ZNF738: variants seen among roughly 807,000 people sequenced by gnomAD.
The protein encoded by ZNF738 is protein ZNF738.
Under a neutral mutation model 9.2 loss-of-function variants are expected in ZNF738, and 10 were observed. That is an observed-to-expected ratio of 1.09 (90% confidence interval 0.67 to 1.85). The LOEUF is 1.85. ZNF738 is among the 40% of genes most tolerant of loss of function. ZNF738 has a pLI of 0.00. For synonymous variants in ZNF738, 113 were observed against 94.5 expected, an observed-to-expected ratio of 1.20 and a Z score of -1.14; for missense variants, 346 against 283.6, an observed-to-expected ratio of 1.22 and a Z score of -1.58.
In ZNF738 at chr19:21,375,877, G is replaced by A. The variant is rs755105906; in HGVS notation, c.232G>A (p.Val78Ile). ...FRNLVFLGID[V>I]SKPDLITCLE... is the part of the protein sequence containing the mutation. ...TATTTTTAATAAATCAGGTATTGAT[G>A]TCTCTAAGCCAGATCTGATCACCTG... Residue 78 changes from valine to isoleucine, a missense_variant, in exon 4 of 5, where the codon GTC (valine) becomes ATC (isoleucine). Val to Ile is a conservative substitution (Grantham distance 29). Coordinates refer to ENST00000683779, the MANE Select transcript of ZNF738 (RefSeq NM_001355237.2). 2.5e-6 allele frequency: 2 copies of A among 790,042 alleles called. No homozygotes were observed. The highest frequency in any genetic ancestry group is 1.4e-5 in the South Asian group (1 of 73,536). The allele number at this position is 790,042 out of a possible 1,614,324, so 48.9% of individuals were successfully genotyped here.
rs1197099387 is a variant in ZNF738, at chr19:21,375,940, C to T, written c.295C>T (p.His99Tyr). The change falls in exon 4 of 5, where the codon CAC becomes TAC. Residue 99 changes from histidine to tyrosine, a missense_variant. Coordinates refer to ENST00000683779, the MANE Select transcript of ZNF738 (RefSeq NM_001355237.2). ...AAAAGATCCCTGGAATATGAAGAGACACAGTATGGTAGCCACACCCCCAGG... is the reference window on the plus strand; with the variant it reads ...AAAAGATCCCTGGAATATGAAGAGATACAGTATGGTAGCCACACCCCCAGG... Reference protein sequence around the residue: ...QGKDPWNMKRHSMVATPPVTY... With the variant: ...QGKDPWNMKRYSMVATPPVTY... 5.1e-6 allele frequency: 4 copies of T among 789,718 alleles called. No homozygotes were observed. The highest frequency in any genetic ancestry group is 7.0e-6 in the Non-Finnish European group (3 of 429,818). The allele number at this position is 789,718 out of a possible 1,614,324, so 48.9% of individuals were successfully genotyped here.
In ZNF738 at chr19:21,366,622, T is replaced by G. The variant is rs143555738; in HGVS notation, c.96+4764T>G. Among the ~76,000 whole-genome samples the G allele has an allele frequency of 2.2e-4, 33 of 152,314 alleles. No homozygotes were observed. The East Asian group carries it at 6.4e-3, about 29-fold the overall frequency. ...GGCAAGTCATAAAGTGAAAGCAAATTTATTGAGAAAGTAAAGAAATAAAAG... is the reference window on the plus strand; with the variant it reads ...GGCAAGTCATAAAGTGAAAGCAAATGTATTGAGAAAGTAAAGAAATAAAAG... On this transcript the variant is annotated intron_variant, in intron 2 of 4. Coordinates refer to ENST00000683779, the MANE Select transcript of ZNF738 (RefSeq NM_001355237.2).
chr19:21,368,290 T>C (rs1363527828), intron 2 of ZNF738, among the ~76,000 whole-genome samples: 1 of 151,978 alleles, frequency 6.6e-6, no homozygotes, highest in African/African-American at 2.4e-5. Flanking sequence ...TCCTTCTTTA[T>C]GTCCATGTGT....
intron 2 of ZNF738, among the ~76,000 whole-genome samples, chr19:21,368,272 A>G (rs546448831): frequency 0.013 from 1,999 of 151,902 alleles, 53 homozygotes; most frequent in African/African-American, 0.043. Flanking sequence ...CTAGGCCTCC[A>G]TGACTGTTCC....
At chr19:21,364,742 CTTTTTTT>C (rs766954668) in intron 2 of ZNF738, among the ~76,000 whole-genome samples, 7 of 122,802 alleles carry the variant, frequency 5.7e-5, no homozygotes, top group African/African-American at 1.2e-4. Context: ...ATGGTTCTTT[CTTTTTTT>C]TTTTTTTTTT....
intron 2 of ZNF738, among the ~76,000 whole-genome samples, chr19:21,365,417 T>G (rs1973762763): frequency 1.3e-5 from 2 of 152,256 alleles, no homozygotes; most frequent in African/African-American, 2.4e-5. Context: ...TCAATATGCC[T>G]GACATTTCCT....
At chr19:21,378,955 T>C (rs940412334) in intron 4 of ZNF738, 1 of 152,412 alleles carries the variant, frequency 6.6e-6, no homozygotes, top group Non-Finnish European at 1.5e-5. Context: ...ACTTTTAAAA[T>C]TGTGCTTACA....
chr19:21,365,511 T>C (rs543125313), intron 2 of ZNF738, among the ~76,000 whole-genome samples: 1 of 152,252 alleles, frequency 6.6e-6, no homozygotes, highest in Non-Finnish European at 1.5e-5. Flanking sequence ...TCATGCTGTA[T>C]AGGGGCGATG....
At chr19:21,362,097 G>GATGATA (rs1427977851) in intron 2 of ZNF738, among the ~76,000 whole-genome samples, 1 of 148,110 alleles carries the variant, frequency 6.8e-6, no homozygotes, top group African/African-American at 2.5e-5. Context: ...TAATAATAAT[G>GATGATA]ATAATAATAA....
intron 4 of ZNF738, chr19:21,381,962 G>A (rs1475673966): frequency 3.2e-5 from 7 of 215,698 alleles, no homozygotes; most frequent in East Asian, 1.2e-4. Context: ...GCCAGAGCTC[G>A]GCTGCCTCAG....
At chr19:21,367,880 C>T (rs780350533) in intron 2 of ZNF738, among the ~76,000 whole-genome samples, 22 of 152,176 alleles carry the variant, frequency 1.4e-4, no homozygotes, top group Non-Finnish European at 2.8e-4. Context: ...GCCAAAAAGA[C>T]GCAAAAGTGT....
At chr19:21,365,549 T>C (rs961467021) in intron 2 of ZNF738, among the ~76,000 whole-genome samples, 16 of 152,190 alleles carry the variant, frequency 1.1e-4, no homozygotes, top group African/African-American at 3.6e-4. Flanking sequence ...TTAGAGTCTT[T>C]TGTATTTGAG....
Position 21,386,217 on chromosome 19 carries a change from A to C in ZNF738, c.*2543A>C, listed in dbSNP as rs1974065301. ...GGCAAAGCCTTTAATGGTCCCCTCA[A>C]CTTTCTGCACATAAGATAATTTATA... is the stretch of plus-strand genomic sequence containing the variant. On this transcript the variant is annotated 3_prime_UTR_variant, in exon 5 of 5. Transcript: ENST00000683779. 1 of 287,994 alleles carries C rather than the reference A, an allele frequency of 3.5e-6. No individual in the cohort carries two copies. Among genetic ancestry groups the C allele is most frequent in the Non-Finnish European group, 7.1e-6 (1 of 140,954 alleles). The allele number at this position is 287,994 out of a possible 1,614,324, so 17.8% of individuals were successfully genotyped here.
intron 1 of ZNF738, among the ~76,000 whole-genome samples, 179 bp from the exon 2 acceptor site, chr19:21,361,587 T>A (rs1973693158): frequency 6.6e-6 from 1 of 152,198 alleles, no homozygotes; most frequent in Non-Finnish European, 1.5e-5. Flanking sequence ...TTATCGGAAT[T>A]TTTTTGGGTC....
chr19:21,363,921 G>A (rs1027944723), intron 2 of ZNF738, among the ~76,000 whole-genome samples: 4 of 150,144 alleles, frequency 2.7e-5, no homozygotes, highest in African/African-American at 7.4e-5. Flanking sequence ...CTAGAGCCCG[G>A]CATGGTGGCT....
chr19:21,378,827 G>A, intron 4 of ZNF738: 5 of 162,654 alleles, frequency 3.1e-5, no homozygotes, highest in South Asian at 2.5e-4. Context: ...TCGATCTCCT[G>A]ACCTCAGGTG....
chr19:21,373,079 T>A (rs1254159642), intron 2 of ZNF738, among the ~76,000 whole-genome samples: 1 of 152,154 alleles, frequency 6.6e-6, no homozygotes, highest in South Asian at 2.1e-4. Context: ...ACACGGGACT[T>A]GTTTGAAACA....
Position 21,384,188 on chromosome 19 carries a change from T to C in ZNF738, c.*514T>C. On this transcript the variant is annotated 3_prime_UTR_variant, in exon 5 of 5. Coordinates refer to ENST00000683779, the MANE Select transcript of ZNF738 (RefSeq NM_001355237.2). ...ACAAATGTGAGGAATGTGGCAAAGC[T>C]TTTAACTGGTACTCACGCCTTACTA... is the stretch of plus-strand genomic sequence containing the variant. 2 of 1,414,122 alleles carry C rather than the reference T, an allele frequency of 1.4e-6. No homozygotes were observed. Among genetic ancestry groups the C allele is most frequent in the Admixed American group, 1.7e-5 (1 of 58,892 alleles). The allele number at this position is 1,414,122 out of a possible 1,614,324, so 87.6% of individuals were successfully genotyped here.
intron 2 of ZNF738, among the ~76,000 whole-genome samples, chr19:21,370,232 C>G (rs1973839930): frequency 6.6e-6 from 1 of 152,192 alleles, no homozygotes; most frequent in Admixed American, 6.5e-5. Flanking sequence ...TTCAGAGATA[C>G]AGCCAAGTTG....
Sources: allele counts gnomAD v4.1 joint callset (sites outside exome capture counted in the v4.1 genomes callset), GRCh38; gene constraint gnomAD v4.1.1; transcripts MANE v1.5; gene names NCBI Gene and HGNC (gene_info 2026-07-23, HGNC 2026-07-21).